The following FSHR variants were observed in gnomAD, a reference collection of about 807,000 sequenced individuals.
FSHR encodes follicle stimulating hormone receptor, also known as follicle-stimulating hormone receptor.
Under a neutral mutation model 52.1 loss-of-function variants are expected in FSHR, and 46 were observed. The observed-to-expected ratio is 0.88, with a 90% CI of 0.70 to 1.13. The LOEUF (loss-of-function observed/expected upper bound fraction) is 1.13, where lower values mean the gene tolerates loss of function less well. Ranked by LOEUF, FSHR falls within the 50% of genes most tolerant of loss-of-function variation. The pLI is 0.00. For synonymous variants in FSHR, 399 were observed against 309.6 expected, an observed-to-expected ratio of 1.29 and a Z score of -3.03; for missense variants, 964 against 834.6, an observed-to-expected ratio of 1.16 and a Z score of -1.91.
intron 6 of FSHR, among the ~76,000 whole-genome samples, chr2:48,988,320 C>T (rs1468901541): frequency 6.6e-6 from 1 of 152,166 alleles, no homozygotes; most frequent in Non-Finnish European, 1.5e-5. Flanking sequence ...CCCCAAATGT[C>T]ATTCTGTGCA....
intron 2 of FSHR, among the ~76,000 whole-genome samples, chr2:49,036,545 G>T (rs1668278787): frequency 6.6e-6 from 1 of 152,044 alleles, no homozygotes; most frequent in Admixed American, 6.6e-5. Context: ...ATAGGGCACA[G>T]TCAGGGCTGC....
At chr2:49,065,998 A>G (rs1231381357) in intron 2 of FSHR, among the ~76,000 whole-genome samples, 1 of 152,104 alleles carries the variant, frequency 6.6e-6, no homozygotes, top group African/African-American at 2.4e-5. Flanking sequence ...AATTCACTGG[A>G]TCTTGTAACT....
At chr2:49,105,737 C>G (rs543151300) in intron 1 of FSHR, among the ~76,000 whole-genome samples, 8 of 152,248 alleles carry the variant, frequency 5.3e-5, no homozygotes, top group African/African-American at 1.9e-4. Flanking sequence ...CAGCTGCCTG[C>G]AAGCTGCCCC....
At chr2:49,021,175 C>A (rs115452668) in intron 2 of FSHR, among the ~76,000 whole-genome samples, 1 of 152,186 alleles carries the variant, frequency 6.6e-6, no homozygotes, top group South Asian at 2.1e-4. Flanking sequence ...GAGGTTGTTG[C>A]AAGGCCATTG....
chr2:49,136,914 T>G (rs1672509515), intron 1 of FSHR, among the ~76,000 whole-genome samples: 1 of 152,096 alleles, frequency 6.6e-6, no homozygotes, highest in African/African-American at 2.4e-5. Flanking sequence ...TCACACGTAT[T>G]GGTGAGAGAC....
chr2:49,112,786 A>T (rs767934133), intron 1 of FSHR, among the ~76,000 whole-genome samples: 7 of 152,184 alleles, frequency 4.6e-5, no homozygotes, highest in Admixed American at 6.5e-5. Context: ...TTTTGTGAAC[A>T]ATGCTTTATT....
intron 1 of FSHR, among the ~76,000 whole-genome samples, chr2:49,140,008 C>A (rs543570126): frequency 5.3e-5 from 8 of 152,184 alleles, no homozygotes; most frequent in African/African-American, 1.7e-4. Flanking sequence ...GAGGATATAT[C>A]TGGGGGCAAC....
chr2:49,131,051 G>C (rs1045973664), intron 1 of FSHR, among the ~76,000 whole-genome samples: 1 of 152,156 alleles, frequency 6.6e-6, no homozygotes, highest in Non-Finnish European at 1.5e-5. Flanking sequence ...GCTTAACAGA[G>C]TGATGCAAAA....
intron 1 of FSHR, among the ~76,000 whole-genome samples, chr2:49,118,167 T>C (rs1307678995): frequency 2.4e-4 from 36 of 152,058 alleles, no homozygotes; most frequent in Admixed American, 2.4e-3. Flanking sequence ...GGTGGTGGAC[T>C]TGTGCCTGAG....
chr2:49,145,455 C>A (rs189115739), intron 1 of FSHR, among the ~76,000 whole-genome samples: 1 of 152,102 alleles, frequency 6.6e-6, no homozygotes, highest in Non-Finnish European at 1.5e-5. Context: ...GAAATCATCC[C>A]ACGGTGGTCA....
intron 1 of FSHR, among the ~76,000 whole-genome samples, chr2:49,086,775 G>C (rs1447508358): frequency 4.6e-5 from 7 of 152,110 alleles, no homozygotes; most frequent in Non-Finnish European, 1.0e-4. Flanking sequence ...CAGGTAGCTG[G>C]GATTACAGGT....
chr2:49,039,949 G>A (rs1668423191), intron 2 of FSHR, among the ~76,000 whole-genome samples: 1 of 151,076 alleles, frequency 6.6e-6, no homozygotes, highest in Non-Finnish European at 1.5e-5. Context: ...TAGCAGGCAT[G>A]TATTACTTTC....
intron 2 of FSHR, among the ~76,000 whole-genome samples, chr2:49,028,126 G>A (rs1667973053): frequency 6.6e-6 from 1 of 152,194 alleles, no homozygotes; most frequent in African/African-American, 2.4e-5. Flanking sequence ...CGAGGTTGGA[G>A]TAGCCTTTGA....
At chr2:49,129,467 T>C (rs1672182512) in intron 1 of FSHR, among the ~76,000 whole-genome samples, 1 of 152,216 alleles carries the variant, frequency 6.6e-6, no homozygotes, top group African/African-American at 2.4e-5. Context: ...GATAGGATGA[T>C]AAGTGCTTCT....
chr2:48,976,122 T>C (rs1418757959), intron 8 of FSHR, among the ~76,000 whole-genome samples: 2 of 152,194 alleles, frequency 1.3e-5, no homozygotes, highest in Non-Finnish European at 2.9e-5. Flanking sequence ...GGCTGCGAGT[T>C]TGTCATAAAT....
At chr2:49,150,849 A>G (rs1388912820) in intron 1 of FSHR, among the ~76,000 whole-genome samples, 1 of 151,960 alleles carries the variant, frequency 6.6e-6, no homozygotes, top group South Asian at 2.1e-4. Context: ...TACATAGTCC[A>G]TGGGCCAAAT....
In FSHR at chr2:49,017,903, G is replaced by A. The variant is rs568285776; in HGVS notation, c.300-340C>T. On this transcript the variant is annotated intron_variant, in intron 3 of 9. Coordinates refer to ENST00000406846, the MANE Select transcript of FSHR (RefSeq NM_000145.4). ...CTTTAACCAGTAAGAATCGCCCAGGGTTGGAGGAGGCTAAGAGGTTAGGAA... is the reference window on the plus strand; with the variant it reads ...CTTTAACCAGTAAGAATCGCCCAGGATTGGAGGAGGCTAAGAGGTTAGGAA... Among the ~76,000 whole-genome samples the A allele has an allele frequency of 3.3e-5, 5 of 152,242 alleles. No individual in the cohort carries two copies. The East Asian group carries it at 9.7e-4, about 29-fold the overall frequency.
At chr2:48,983,665 T>G (rs1185853699) in intron 6 of FSHR, among the ~76,000 whole-genome samples, 2 of 152,182 alleles carry the variant, frequency 1.3e-5, no homozygotes, top group Non-Finnish European at 2.9e-5. Flanking sequence ...AGTGATCTAA[T>G]TAAGTTGTCA....
chr2:48,962,895 G>T lies in FSHR; in HGVS notation c.1926C>A (p.Ser642Arg). The T allele has an allele frequency of 6.2e-7, 1 of 1,614,140 alleles. No individual in the cohort carries two copies. The highest frequency in any genetic ancestry group is 8.5e-7 in the Non-Finnish European group (1 of 1,180,016). ...NFRRDFFILL[S>R]KCGCYEMQAQ... ...CTTGCATTTCATAGCAGCCACACTT[G>T]CTCAGCAGAATGAAGAAATCTCTGC... The change falls in exon 10 of 10, where the codon AGC becomes AGA. Residue 642 changes from serine to arginine, a missense_variant. Coordinates refer to ENST00000406846, the MANE Select transcript of FSHR (RefSeq NM_000145.4).
Sources: allele counts gnomAD v4.1 joint callset (sites outside exome capture counted in the v4.1 genomes callset), GRCh38; gene constraint gnomAD v4.1.1; transcripts MANE v1.5; gene names NCBI Gene and HGNC (gene_info 2026-07-23, HGNC 2026-07-21).